Variants in TEP1 observed in about 807,000 individuals in gnomAD.
TEP1 encodes the protein telomerase protein component 1.
TEP1 carries 241 observed loss-of-function variants against 306.3 expected under a neutral mutation model. The ratio of observed to expected loss-of-function variants is 0.79; its 90% confidence interval spans 0.71 to 0.88. TEP1 has a LOEUF of 0.88. TEP1 is among the 40% of genes least tolerant of loss of function. The pLI is 0.00. For synonymous variants in TEP1, 1,289 were observed against 1,305.5 expected (o/e 0.99, Z 0.27); for missense variants, 3,051 against 3,276.1 (o/e 0.93, Z 1.68).
intron 9 of TEP1, among the ~76,000 whole-genome samples, chr14:20,399,772 T>C (rs1047521646): frequency 3.3e-5 from 5 of 151,502 alleles, no homozygotes; most frequent in Admixed American, 1.3e-4. Context: ...TCAACCAGGA[T>C]AAATGACATT....
chr14:20,412,680 C>CT (rs10717377), intron 1 of TEP1, among the ~76,000 whole-genome samples: 6,643 of 105,436 alleles, frequency 0.063, 316 homozygotes, highest in East Asian at 0.11. Flanking sequence ...TCACTCTTTC[C>CT]TTTTTTTTTT....
chr14:20,396,892 CA>C (rs371928449), intron 9 of TEP1, among the ~76,000 whole-genome samples, 162 bp from the exon 10 acceptor site: 57 of 136,964 alleles, frequency 4.2e-4, no homozygotes, highest in East Asian at 8.4e-4. Flanking sequence ...AAGACTGTCT[CA>C]AAAAAAAAAA....
chr14:20,373,424 G>A, intron 46 of TEP1, 22 bp from the exon 47 acceptor site: 1 of 1,614,010 alleles, frequency 6.2e-7, no homozygotes, highest in Non-Finnish European at 8.5e-7. Flanking sequence ...GGATGGAGAT[G>A]GGCTCATGAG....
rs973297148 is a variant in TEP1, at chr14:20,372,796, G to T, written c.7013C>A (p.Ala2338Asp). 1.2e-6 allele frequency: 2 copies of T among 1,614,146 alleles called. No homozygotes were observed. Among genetic ancestry groups the T allele is most frequent in the Middle Eastern group, 3.3e-4 (2 of 6,062 alleles). The change falls in exon 49 of 55, where the codon GCT becomes GAT. Residue 2338 changes from alanine (A) to aspartate (D), a missense_variant. Ala to Asp is a moderately radical substitution (Grantham distance 126, BLOSUM62 -2). Coordinates refer to ENST00000262715, the MANE Select transcript of TEP1 (RefSeq NM_007110.5). ...SSAHTFFVLS[A>D]DEKISEWQVK... ...TTGCCACTCGCTGATTTTCTCATCAGCACTGAGGACAAAAAAGGTGTGTGC... is the reference window on the plus strand; with the variant it reads ...TTGCCACTCGCTGATTTTCTCATCATCACTGAGGACAAAAAAGGTGTGTGC...
chr14:20,403,530 T>A, intron 6 of TEP1, 82 bp from the exon 7 acceptor site: 17 of 1,600,246 alleles, frequency 1.1e-5, no homozygotes, highest in Non-Finnish European at 1.4e-5. Context: ...TGAAGGTGCA[T>A]CTCTACCAAA....
At position 20,383,304 on chromosome 14, in the gene TEP1, G is replaced by T. The variant is rs147704289; in HGVS notation, c.3917C>A (p.Thr1306Asn). The change falls in exon 27 of 55, where the codon ACC becomes AAC. Residue 1306 changes from threonine (T) to asparagine (N), a missense_variant. Thr to Asn is a moderately conservative substitution (Grantham distance 65). Transcript: ENST00000262715. ...GTGGGCACCCTGGCTCTGCTCAAGG[G>T]TCTCCCCTAGGCCTGCATCACTAGA... Reference protein sequence around the residue: ...SVSSDAGLGETLEQSQGAHVL... With the variant: ...SVSSDAGLGENLEQSQGAHVL... 1 of 1,612,198 alleles carries T rather than the reference G, an allele frequency of 6.2e-7. No individual in the cohort carries two copies. The highest frequency in any genetic ancestry group is 8.5e-7 in the Non-Finnish European group (1 of 1,179,162).
intron 7 of TEP1, among the ~76,000 whole-genome samples, chr14:20,402,299 C>G (rs995208846): frequency 6.6e-6 from 1 of 152,162 alleles, no homozygotes; most frequent in Non-Finnish European, 1.5e-5. Flanking sequence ...CAGAGCAAGA[C>G]TTCGTCTCAA....
In TEP1 at chr14:20,372,719, T is replaced by A; in HGVS notation, c.7076+14A>T. 6.2e-7 allele frequency: 1 copy of A among 1,614,076 alleles called. No homozygotes were observed. Among genetic ancestry groups the A allele is most frequent in the Non-Finnish European group, 8.5e-7 (1 of 1,180,010 alleles). ...CTGCTGTTTCTATCCCATTAACCCA[T>A]CAGCCTGTTTCACCTCAAATTTCCG... On this transcript the variant is annotated intron_variant, in intron 49 of 54. Transcript: ENST00000262715.
Position 20,380,471 on chromosome 14 carries a change from A to C in TEP1, c.4767T>G (p.Ser1589=). 1 of 1,611,630 alleles carries C rather than the reference A, an allele frequency of 6.2e-7. No homozygotes were observed. The highest frequency in any genetic ancestry group is 1.1e-5 in the South Asian group (1 of 91,014). ...RLLEAHALYA[S]SVPKEEQKLP... is the part of the protein sequence containing the mutation. ...GCTTTTGTTCCTCTTTGGGGACTGA[A>C]GAAGCTATAAAAGGGTGGCAGAATG... Residue 1589 remains serine (S), a synonymous_variant, in exon 34 of 55, where the codon TCT becomes TCG. Coordinates refer to ENST00000262715, the MANE Select transcript of TEP1 (RefSeq NM_007110.5).
rs1885158747 is a variant in TEP1, at chr14:20,376,101, C to T, written c.6249+3G>A. 1.2e-6 allele frequency: 2 copies of T among 1,613,458 alleles called. No individual in the cohort carries two copies. Among genetic ancestry groups the T allele is most frequent in the Non-Finnish European group, 1.7e-6 (2 of 1,179,772 alleles). ...CCCAGGGTTGCATCCTTCTGCAGCT[C>T]ACCCGATCCCGGCCCCCGGTGGCCA... On this transcript the variant is annotated splice_donor_region_variant and intron_variant, in intron 42 of 54. Coordinates refer to ENST00000262715, the MANE Select transcript of TEP1 (RefSeq NM_007110.5).
chr14:20,377,236 A>AAAAG, intron 41 of TEP1, 44 bp downstream of exon 41: 1 of 1,479,186 alleles, frequency 6.8e-7, no homozygotes, highest in Non-Finnish European at 9.2e-7. Flanking sequence ...AAAAGAAAAG[A>AAAAG]AAAGAACAGT....
chr14:20,372,754 C>T lies in TEP1; in HGVS notation c.7055G>A (p.Gly2352Asp), dbSNP rs746628975. Residue 2352 changes from glycine (G) to aspartate (D), a missense_variant, in exon 49 of 55, where the codon GGT becomes GAT. By Grantham distance (94) the Gly-to-Asp change is moderately conservative. Coordinates refer to ENST00000262715, the MANE Select transcript of TEP1 (RefSeq NM_007110.5). ...ISEWQVKLRK[G>D]SAPGNLSLHL... ...TCACCTCAAATTTCCGGGTGCCGAA[C>T]CCTTCCGCAGTTTCACTTGCCACTC... The T allele has an allele frequency of 2.5e-6, 4 of 1,614,118 alleles. No homozygotes were observed. Among genetic ancestry groups the T allele is most frequent in the South Asian group, 2.2e-5 (2 of 91,080 alleles).
In TEP1 at chr14:20,386,533, C is replaced by T. The variant is rs867758810; in HGVS notation, c.2775G>A (p.Leu925=). The change falls in exon 19 of 55, where the codon CTG becomes CTA. Residue 925 remains leucine (L), a synonymous_variant. Coordinates refer to ENST00000262715, the MANE Select transcript of TEP1 (RefSeq NM_007110.5). ...DLLLRSVLPA[L]QARAAPHRIS... is the part of the protein sequence containing the mutation. The stretch of plus-strand genomic sequence containing the variant: ...TACGGTGAGGGGCCGCTCGGGCCTG[C>T]AGTGCTGGCAGCACAGACCTCAGCA... 1.2e-6 allele frequency: 2 copies of T among 1,612,972 alleles called. No individual in the cohort carries two copies. The highest frequency in any genetic ancestry group is 1.7e-6 in the Non-Finnish European group (2 of 1,179,446).
chr14:20,398,754 T>C (rs2139156302), intron 9 of TEP1, among the ~76,000 whole-genome samples: 1 of 152,276 alleles, frequency 6.6e-6, no homozygotes, highest in South Asian at 2.1e-4. Context: ...GGCCGGTCAG[T>C]CCGTCACCAT....
chr14:20,383,328 GAC>G lies in TEP1; in HGVS notation c.3891_3892del (p.Ser1298Ter). On this transcript the variant is annotated frameshift_variant, in exon 27 of 55. Transcript: ENST00000262715. LOFTEE classifies it high-confidence loss of function. Reference sequence around the variant, plus strand: ...GGTCTCCCCTAGGCCTGCATCACTAGACACACTCAGCACCAGGTGTACACACT... The same window carrying G: ...GGTCTCCCCTAGGCCTGCATCACTAGACACTCAGCACCAGGTGTACACACT... 6.2e-7 allele frequency: 1 copy of G among 1,608,592 alleles called. No individual in the cohort carries two copies. The highest frequency in any genetic ancestry group is 8.5e-7 in the Non-Finnish European group (1 of 1,177,262).
chr14:20,378,741 C>T lies in TEP1; in HGVS notation c.5352+13G>A. 2 of 1,613,564 alleles carry T rather than the reference C, an allele frequency of 1.2e-6. No individual in the cohort carries two copies. The highest frequency in any genetic ancestry group is 1.7e-6 in the Non-Finnish European group (2 of 1,179,566). On this transcript the variant is annotated intron_variant, in intron 37 of 54. Transcript: ENST00000262715. ...TCAGGGCCACTCTGACCACTGCAGA[C>T]CCCAAGTCTTACCTTTAGGCATCCT...
chr14:20,382,318 G>A lies in TEP1; in HGVS notation c.4179C>T (p.Pro1393=). ...TGCTCAGGATGTGCTGCAGCAGCAG[G>A]GGGACAGTGGCAGGCAGGGTCCGGA... ...ERLRTLPATV[P]LLLQHILSTL... Residue 1393 remains proline, a synonymous_variant, in exon 29 of 55, where the codon CCC becomes CCT. Transcript: ENST00000262715. 6.2e-7 allele frequency: 1 copy of A among 1,613,564 alleles called. No individual in the cohort carries two copies. Among genetic ancestry groups the A allele is most frequent in the African/African-American group, 1.3e-5 (1 of 75,006 alleles).
In TEP1 at chr14:20,382,574, G is replaced by A. The variant is rs202080220; in HGVS notation, c.4140+49C>T. On this transcript the variant is annotated intron_variant, in intron 28 of 54. Coordinates refer to ENST00000262715, the MANE Select transcript of TEP1 (RefSeq NM_007110.5). ...ATAGGGATGAGACAAAGCAGCTGAA[G>A]AGAGAATGGGAAGTAGTGATTAGGA... The A allele has an allele frequency of 6.2e-6, 10 of 1,603,800 alleles. No homozygotes were observed. The East Asian group carries it at 1.8e-4, about 29-fold the overall frequency.
chr14:20,407,964 G>A lies in TEP1; in HGVS notation c.476C>T (p.Ala159Val), dbSNP rs1206914369. 6.2e-7 allele frequency: 1 copy of A among 1,614,186 alleles called. No homozygotes were observed. The highest frequency in any genetic ancestry group is 1.7e-5 in the Admixed American group (1 of 60,022). The change falls in exon 2 of 55, where the codon GCT becomes GTT. Residue 159 changes from alanine (A) to valine (V), a missense_variant. Physicochemically the swap from Ala to Val is moderately conservative, Grantham distance 64. Coordinates refer to ENST00000262715, the MANE Select transcript of TEP1 (RefSeq NM_007110.5). ...GTCTAGTCCCTTAGAGAAATGCTGAGCCCTCCAACTTGGAGGCTCAGAGAG... is the reference window on the plus strand; with the variant it reads ...GTCTAGTCCCTTAGAGAAATGCTGAACCCTCCAACTTGGAGGCTCAGAGAG... Reference protein sequence around the residue: ...CLLSEPPSWRAQHFSKGLDLS... With the variant: ...CLLSEPPSWRVQHFSKGLDLS...
Sources: allele counts gnomAD v4.1 joint callset (sites outside exome capture counted in the v4.1 genomes callset), GRCh38; gene constraint gnomAD v4.1.1; transcripts MANE v1.5; gene names NCBI Gene and HGNC (gene_info 2026-07-23, HGNC 2026-07-21).